The following WIPF3 variants were observed in gnomAD, a reference collection of about 807,000 sequenced individuals.
WIPF3 encodes WAS/WASL interacting protein family member 3, also known as WAS/WASL-interacting protein family member 3.
A neutral mutation model predicts 38.9 loss-of-function variants in WIPF3; 33 were observed. The ratio of observed to expected loss-of-function variants is 0.85; its 90% CI spans 0.64 to 1.14. The LOEUF is 1.14. Ranked by LOEUF, WIPF3 falls within the 50% of genes most tolerant of loss-of-function variation. The probability of loss-of-function intolerance (pLI) is 0.00; values close to 1 mark genes in which losing one functional copy is unlikely to be tolerated. For synonymous variants in WIPF3, 324 were observed against 269.3 expected, an observed-to-expected ratio of 1.20 and a Z score of -1.99; for missense variants, 711 against 652.5, an observed-to-expected ratio of 1.09 and a Z score of -0.98.
chr7:29,831,175 C>T (rs1267865235), intron 1 of WIPF3, among the ~76,000 whole-genome samples: 1 of 152,066 alleles, frequency 6.6e-6, no homozygotes, highest in Non-Finnish European at 1.5e-5. Flanking sequence ...TTAAAATGGC[C>T]CCAAGCAAAG....
At chr7:29,836,719 T>G (rs1034775213) in intron 2 of WIPF3, among the ~76,000 whole-genome samples, 7 of 152,252 alleles carry the variant, frequency 4.6e-5, no homozygotes, top group African/African-American at 1.7e-4. Context: ...CGGGGCACAG[T>G]GGCTCACACC....
At chr7:29,888,847 ACAGGC>A (rs1393893485) in intron 6 of WIPF3, among the ~76,000 whole-genome samples, 1 of 151,886 alleles carries the variant, frequency 6.6e-6, no homozygotes, top group Admixed American at 6.6e-5. Context: ...CACCCTAGAC[ACAGGC>A]CATGCTCCTC....
At chr7:29,869,707 T>A (rs1413770578) in intron 2 of WIPF3, among the ~76,000 whole-genome samples, 1 of 152,228 alleles carries the variant, frequency 6.6e-6, no homozygotes, top group Non-Finnish European at 1.5e-5. Context: ...TTTATTCTTA[T>A]ATTTTTCTGA....
intron 4 of WIPF3, among the ~76,000 whole-genome samples, chr7:29,880,287 T>C (rs1785688502): frequency 6.6e-6 from 1 of 152,194 alleles, no homozygotes; most frequent in Non-Finnish European, 1.5e-5. Flanking sequence ...TTTTCTAACT[T>C]TTTCAGTGGC....
intron 1 of WIPF3, among the ~76,000 whole-genome samples, chr7:29,825,505 CTTAA>C (rs1200644262): frequency 2.6e-5 from 4 of 152,126 alleles, no homozygotes; most frequent in Non-Finnish European, 5.9e-5. Context: ...AAATCCAGTT[CTTAA>C]TTAATTCAAG....
intron 2 of WIPF3, among the ~76,000 whole-genome samples, chr7:29,849,671 T>C (rs1226764261): frequency 6.6e-6 from 1 of 152,180 alleles, no homozygotes; most frequent in Non-Finnish European, 1.5e-5. Context: ...CTTCTGGTCA[T>C]GGAGATAGCA....
At position 29,833,534 on chromosome 7, in the gene WIPF3, A is replaced by G. The variant is rs571115502; in HGVS notation, c.-57-1134A>G. Among the ~76,000 whole-genome samples, 24 of 152,368 alleles carry G rather than the reference A, an allele frequency of 1.6e-4. 1 individual carries two copies. Among genetic ancestry groups the G allele is most frequent in the Admixed American group, 1.0e-3 (16 of 15,310 alleles). On this transcript the variant is annotated intron_variant, in intron 1 of 8. Coordinates refer to ENST00000242140, the MANE Select transcript of WIPF3 (RefSeq NM_001080529.3). Reference sequence around the variant, plus strand: ...TGTGTCACATAATTGCCATTTATAAAAAGATAAAAAGAACTAACATATTAG... The same window carrying G: ...TGTGTCACATAATTGCCATTTATAAGAAGATAAAAAGAACTAACATATTAG...
chr7:29,884,151 C>T lies in WIPF3; in HGVS notation c.657C>T (p.Val219=), dbSNP rs1451272991. The change falls in exon 5 of 9, where the codon GTC becomes GTT. Residue 219 remains valine, a synonymous_variant. Coordinates refer to ENST00000242140, the MANE Select transcript of WIPF3 (RefSeq NM_001080529.3). ...KGNLPVVAPP[V]PCAPPPPPPP... Reference sequence around the variant, plus strand: ...ACCTCCCGGTGGTTGCACCCCCCGTCCCCTGTGCGCCACCACCTCCACCTC... The same window carrying T: ...ACCTCCCGGTGGTTGCACCCCCCGTTCCCTGTGCGCCACCACCTCCACCTC... 32 of 1,530,082 alleles carry T rather than the reference C, an allele frequency of 2.1e-5. No individual in the cohort carries two copies. Among genetic ancestry groups the T allele is most frequent in the Non-Finnish European group, 2.6e-5 (30 of 1,136,072 alleles). 94.8% of individuals were successfully genotyped at this position (1,530,082 alleles called of 1,614,324 possible). A position where few individuals can be genotyped will look rare whatever the true frequency, so the allele number is the denominator to read the frequency against.
intron 1 of WIPF3, among the ~76,000 whole-genome samples, chr7:29,813,713 C>T (rs1351723584): frequency 1.3e-5 from 2 of 152,030 alleles, no homozygotes; most frequent in Non-Finnish European, 2.9e-5. Context: ...TTTTAAAATA[C>T]ACAATTTCAG....
chr7:29,889,194 G>A lies in WIPF3; in HGVS notation c.1250-112G>A, dbSNP rs1057211858. On this transcript the variant is annotated intron_variant, in intron 6 of 8. Transcript: ENST00000242140. Reference sequence around the variant, plus strand: ...TTGTTAAAATCCTTGCACTGAGCAGGCAAACAGAAAACGGTGGATGCAGTC... The same window carrying A: ...TTGTTAAAATCCTTGCACTGAGCAGACAAACAGAAAACGGTGGATGCAGTC... The A allele has an allele frequency of 4.9e-6, 4 of 823,986 alleles. No individual in the cohort carries two copies. In the East Asian group the frequency reaches 8.0e-5, roughly 16 times the overall value. The allele number at this position is 823,986 out of a possible 1,614,324, so 51.0% of individuals were successfully genotyped here.
intron 8 of WIPF3, 84 bp from the exon 9 acceptor site, chr7:29,914,409 C>G: frequency 2.6e-6 from 3 of 1,156,076 alleles, no homozygotes; most frequent in Non-Finnish European, 3.5e-6. Flanking sequence ...GGGGCCCAGC[C>G]TGTTTGGGGG....
rs778556575 is a variant in WIPF3 at position 29,883,984 on chromosome 7, A to G, written c.490A>G (p.Thr164Ala). 14 of 1,535,620 alleles carry G rather than the reference A, an allele frequency of 9.1e-6. No homozygotes were observed. The highest frequency in any genetic ancestry group is 1.2e-5 in the Non-Finnish European group (14 of 1,139,290). The part of the protein sequence containing the change: ...NTSEAHGAAR[T>A]APPRPNVPAP... ...CTCCGAGGCGCATGGCGCTGCCAGG[A>G]CAGCCCCGCCTCGCCCCAACGTGCC... is the stretch of plus-strand genomic sequence containing the variant. The change falls in exon 5 of 9, where the codon ACA becomes GCA. Residue 164 changes from threonine to alanine, a missense_variant. Thr to Ala is a moderately conservative substitution (Grantham distance 58). Transcript: ENST00000242140.
At chr7:29,873,870 C>T (rs1460548974) in intron 2 of WIPF3, among the ~76,000 whole-genome samples, 1 of 152,220 alleles carries the variant, frequency 6.6e-6, no homozygotes, top group Non-Finnish European at 1.5e-5. Flanking sequence ...AAAACCGCAA[C>T]TGCCTCTGCT....
chr7:29,865,386 TC>T (rs1342261192), intron 2 of WIPF3, among the ~76,000 whole-genome samples: 1 of 152,150 alleles, frequency 6.6e-6, no homozygotes, highest in Non-Finnish European at 1.5e-5. Flanking sequence ...CTCAGCTCTT[TC>T]CACTATACCA....
chr7:29,903,592 G>A (rs7797769), intron 7 of WIPF3, among the ~76,000 whole-genome samples: 101,208 of 151,966 alleles, frequency 0.67, 34,797 homozygotes, highest in East Asian at 0.88. Flanking sequence ...GGAATAACCA[G>A]TTGAAGGGAG....
At chr7:29,884,703 G>A (rs1470462104) in intron 5 of WIPF3, 110 bp downstream of exon 5, 19 of 1,413,144 alleles carry the variant, frequency 1.3e-5, no homozygotes, top group Non-Finnish European at 1.7e-5. Context: ...CACCAGGGGT[G>A]AGGGAGGCAG....
intron 1 of WIPF3, among the ~76,000 whole-genome samples, chr7:29,824,106 T>C (rs561877652): frequency 1.7e-4 from 26 of 152,278 alleles, no homozygotes; most frequent in Non-Finnish European, 3.4e-4. Context: ...TTTGAACCTT[T>C]GAGGAGCCCA....
At chr7:29,836,460 A>G (rs962750960) in intron 2 of WIPF3, among the ~76,000 whole-genome samples, 1 of 152,252 alleles carries the variant, frequency 6.6e-6, no homozygotes, top group African/African-American at 2.4e-5. Flanking sequence ...TCTCTGTAAG[A>G]AAACAGTAAA....
chr7:29,889,866 A>G (rs1467818184), intron 7 of WIPF3, among the ~76,000 whole-genome samples: 2 of 152,240 alleles, frequency 1.3e-5, no homozygotes, highest in Non-Finnish European at 2.9e-5. Context: ...AGGAGCTTTT[A>G]CAAATCCTGA....
Sources: allele counts gnomAD v4.1 joint callset (sites outside exome capture counted in the v4.1 genomes callset), GRCh38; gene constraint gnomAD v4.1.1; transcripts MANE v1.5; gene names NCBI Gene and HGNC (gene_info 2026-07-23, HGNC 2026-07-21).